RNF175: variants seen among roughly 807,000 people sequenced by gnomAD.
RNF175 encodes ring finger protein 175.
RNF175 carries 38 observed loss-of-function variants against 50.0 expected under a neutral mutation model. The observed-to-expected ratio is 0.76, with a 90% CI of 0.59 to 1.00. RNF175 has a LOEUF of 1.00. Ranked by LOEUF, RNF175 falls within the 50% of genes least tolerant of loss-of-function variation. The pLI is 0.00. For synonymous variants in RNF175, 155 were observed against 146.1 expected (o/e 1.06, Z -0.44); for missense variants, 388 against 409.6 (o/e 0.95, Z 0.46).
chr4:153,733,803 A>T (rs911591112), intron 3 of RNF175, among the ~76,000 whole-genome samples: 1 of 145,846 alleles, frequency 6.9e-6, no homozygotes, highest in Non-Finnish European at 1.6e-5. Flanking sequence ...TGCATAATAT[A>T]TTGTACCCAC....
chr4:153,726,303 C>T (rs1738696571), intron 4 of RNF175, among the ~76,000 whole-genome samples: 1 of 152,164 alleles, frequency 6.6e-6, no homozygotes. Flanking sequence ...CAGGACTTCA[C>T]CATGTTTGCC....
At chr4:153,713,806 A>G (rs371817429) in intron 7 of RNF175, 68 of 152,382 alleles carry the variant, frequency 4.5e-4, no homozygotes, top group African/African-American at 1.6e-3. Context: ...AAACTCAAAC[A>G]GCCTTTCATT....
chr4:153,717,895 A>G (rs954373019), intron 6 of RNF175, among the ~76,000 whole-genome samples: 1 of 152,108 alleles, frequency 6.6e-6, no homozygotes, highest in Non-Finnish European at 1.5e-5. Flanking sequence ...AATTTGCATA[A>G]ATTTAAGGTT....
chr4:153,734,958 G>A (rs867348117), intron 3 of RNF175, among the ~76,000 whole-genome samples: 8 of 152,176 alleles, frequency 5.3e-5, no homozygotes, highest in Middle Eastern at 3.4e-3. Flanking sequence ...TTACAGGCTT[G>A]AGCCACCATG....
intron 3 of RNF175, among the ~76,000 whole-genome samples, 153 bp from the exon 4 acceptor site, chr4:153,728,514 C>T (rs1738846430): frequency 6.6e-6 from 1 of 152,180 alleles, no homozygotes. Context: ...GTAAGCTTCC[C>T]TAGACAGGCC....
At chr4:153,739,669 C>A (rs1196185053) in intron 3 of RNF175, among the ~76,000 whole-genome samples, 1 of 152,150 alleles carries the variant, frequency 6.6e-6, no homozygotes, top group African/African-American at 2.4e-5. Context: ...GATATAGAAT[C>A]CTAGACTGCT....
chr4:153,738,940 C>T (rs1242212215), intron 3 of RNF175, among the ~76,000 whole-genome samples: 2 of 152,142 alleles, frequency 1.3e-5, no homozygotes, highest in East Asian at 3.8e-4. Context: ...CATAACTAAT[C>T]CAAGTCCGTT....
chr4:153,724,348 T>C (rs1738541083), intron 4 of RNF175, among the ~76,000 whole-genome samples: 1 of 152,188 alleles, frequency 6.6e-6, no homozygotes, highest in African/African-American at 2.4e-5. Context: ...TGCCCATTGG[T>C]ACAAGAGGTA....
chr4:153,738,171 T>C (rs1381892047), intron 3 of RNF175, among the ~76,000 whole-genome samples: 1 of 152,136 alleles, frequency 6.6e-6, no homozygotes, highest in Non-Finnish European at 1.5e-5. Context: ...CATCTCAGCC[T>C]CTGGAGTAGC....
intron 3 of RNF175, among the ~76,000 whole-genome samples, chr4:153,733,118 T>C (rs1164673863): frequency 6.6e-6 from 1 of 152,198 alleles, no homozygotes. Context: ...ATAATCTATC[T>C]AGACAAATTT....
intron 1 of RNF175, among the ~76,000 whole-genome samples, chr4:153,759,428 G>T (rs1740715897): frequency 6.6e-6 from 1 of 152,228 alleles, no homozygotes; most frequent in African/African-American, 2.4e-5. Context: ...GGGCTCTGGG[G>T]GCTTCCGCCG....
intron 1 of RNF175, among the ~76,000 whole-genome samples, chr4:153,759,096 C>G (rs1053841258): frequency 9.9e-5 from 15 of 152,118 alleles, no homozygotes; most frequent in African/African-American, 2.7e-4. Flanking sequence ...CAGGTAAGAC[C>G]TACCCTCCTC....
At chr4:153,718,226 G>GTT (rs1325216298) in intron 6 of RNF175, among the ~76,000 whole-genome samples, 412 of 30,460 alleles carry the variant, frequency 0.014, 9 homozygotes, top group African/African-American at 0.032. Flanking sequence ...TTGTTTGTTT[G>GTT]TTTGTTTGTT....
chr4:153,730,017 G>A (rs996712547), intron 3 of RNF175, among the ~76,000 whole-genome samples: 4 of 152,032 alleles, frequency 2.6e-5, no homozygotes, highest in Non-Finnish European at 5.9e-5. Flanking sequence ...ACACAAATAG[G>A]AAAAACAAGC....
At position 153,727,037 on chromosome 4, in the gene RNF175, G is replaced by A. The variant is rs549441609; in HGVS notation, c.401+1170C>T. Among the ~76,000 whole-genome samples the A allele has an allele frequency of 9.8e-5, 15 of 152,290 alleles. No homozygotes were observed. In the South Asian group the frequency reaches 3.1e-3, roughly 32 times the overall value. On this transcript the variant is annotated intron_variant, in intron 4 of 8. Coordinates refer to ENST00000347063, the MANE Select transcript of RNF175 (RefSeq NM_173662.4). The stretch of plus-strand genomic sequence containing the variant: ...CACAAAGACACTGCCTTTAGATGGG[G>A]TAATTCATTCTACAGTGGATAGGCG...
chr4:153,759,984 G>A lies in RNF175; in HGVS notation c.-122C>T. On this transcript the variant is annotated 5_prime_UTR_variant, in exon 1 of 9. Coordinates refer to ENST00000347063, the MANE Select transcript of RNF175 (RefSeq NM_173662.4). ...GGTGAGAGCCGGATCTGCGGCGGCG[G>A]CGGAGCGGCGGCCCTGCCCGGGTTG... 1 of 531,006 alleles carries A rather than the reference G, an allele frequency of 1.9e-6. No homozygotes were observed. 32.9% of individuals were successfully genotyped at this position (531,006 alleles called of 1,614,324 possible).
chr4:153,727,328 C>A (rs971812859), intron 4 of RNF175, among the ~76,000 whole-genome samples: 2 of 152,122 alleles, frequency 1.3e-5, no homozygotes, highest in Non-Finnish European at 2.9e-5. Context: ...AACTAAAATA[C>A]TCATAACATG....
chr4:153,740,779 G>A (rs906368456), intron 3 of RNF175, among the ~76,000 whole-genome samples: 1 of 152,134 alleles, frequency 6.6e-6, no homozygotes, highest in Admixed American at 6.5e-5. Flanking sequence ...CTTCTAGCAT[G>A]ACTTGTAATA....
At chr4:153,720,047 CAA>C (rs1319878481) in intron 6 of RNF175, 135 bp downstream of exon 6, 4 of 874,466 alleles carry the variant, frequency 4.6e-6, no homozygotes, top group Middle Eastern at 3.5e-4. Context: ...CTAGGTGAAC[CAA>C]AAGAGTTCCA....
Sources: allele counts gnomAD v4.1 joint callset (sites outside exome capture counted in the v4.1 genomes callset), GRCh38; gene constraint gnomAD v4.1.1; transcripts MANE v1.5; gene names NCBI Gene and HGNC (gene_info 2026-07-23, HGNC 2026-07-21).